The following PTGR1 variants were observed in gnomAD, a reference collection of about 807,000 sequenced individuals.
PTGR1 encodes 15-oxoprostaglandin 13-reductase.
PTGR1 carries 23 observed loss-of-function variants against 37.7 expected under a neutral mutation model. The observed-to-expected ratio is 0.61, with a 90% CI of 0.44 to 0.86. The LOEUF is 0.86. Among genes scored for constraint, PTGR1 ranks in the 40% least tolerant of loss-of-function variants. The pLI, the probability that PTGR1 is intolerant of heterozygous loss-of-function variation, is 0.00. For missense variants in PTGR1, 351 were observed against 394.3 expected, an observed-to-expected ratio of 0.89 and a Z score of 0.93; for synonymous variants, 134 against 140.0, an observed-to-expected ratio of 0.96 and a Z score of 0.30.
At chr9:111,558,823 A>C (rs1828195466), downstream of PTGR1, among the ~76,000 whole-genome samples, 1 of 152,136 alleles carries the variant, frequency 6.6e-6, no homozygotes, top group Non-Finnish European at 1.5e-5. Context: ...ATTCCAATCT[A>C]ACACCACAAG....
intron 2 of PTGR1, among the ~76,000 whole-genome samples, chr9:111,594,851 C>CTTTTTTT (rs35698448): frequency 1.0e-5 from 1 of 95,700 alleles, no homozygotes; most frequent in Non-Finnish European, 1.9e-5. Context: ...CGACCGGCCT[C>CTTTTTTT]TTTTTTTTTT....
chr9:111,561,110 TAGAGAGAG>T (rs1159365134), downstream of PTGR1, among the ~76,000 whole-genome samples: 2 of 19,198 alleles, frequency 1.0e-4, no homozygotes, highest in Admixed American at 1.2e-3. Context: ...TATATATATA[TAGAGAGAG>T]AGAGAGAGAG....
chr9:111,577,124 C>T (rs968863408), intron 7 of PTGR1: 7 of 151,818 alleles, frequency 4.6e-5, no homozygotes, highest in African/African-American at 1.5e-4. Flanking sequence ...TCACAAATAA[C>T]CTAGTTCAAA....
downstream of PTGR1, among the ~76,000 whole-genome samples, chr9:111,561,148 G>GAGAGAGA (rs1267075709): frequency 3.4e-4 from 12 of 34,840 alleles, no homozygotes; most frequent in African/African-American, 7.2e-4. Context: ...GGAGAGAGAG[G>GAGAGAGA]GAGAGAGAGA....
intron 5 of PTGR1, 104 bp from the exon 6 acceptor site, chr9:111,583,693 C>T: frequency 1.1e-6 from 1 of 881,344 alleles, no homozygotes; most frequent in Non-Finnish European, 1.8e-6. Flanking sequence ...TGCCATGGGT[C>T]CAAGTAAAAG....
At position 111,574,755 on chromosome 9, in the gene PTGR1, T is replaced by C. The variant is rs1326521149; in HGVS notation, c.739A>G (p.Arg247Gly). ...AICGAISTYN[R>G]TGPLPPGPPP... ...TTACCTGGGGGAAGTGGGCCGGTTC[T>C]GTTATATGTAGAGATGGCTCCACAT... The change falls in exon 8 of 10, where the codon AGA (arginine) becomes GGA (glycine). Residue 247 changes from arginine (R) to glycine (G), a missense_variant. Physicochemically the swap from Arg to Gly is moderately radical, Grantham distance 125. Coordinates refer to ENST00000407693, the MANE Select transcript of PTGR1 (RefSeq NM_001146108.2). 3.1e-6 allele frequency: 5 copies of C among 1,613,482 alleles called. No individual in the cohort carries two copies. The East Asian group carries it at 6.7e-5, about 22-fold the overall frequency.
At chr9:111,575,044 T>TA (rs1343438765) in intron 7 of PTGR1, among the ~76,000 whole-genome samples, 2 of 152,178 alleles carry the variant, frequency 1.3e-5, no homozygotes, top group Non-Finnish European at 2.9e-5. Context: ...CTTACACCTG[T>TA]AATCCCAACA....
At chr9:111,576,718 G>A (rs953718563) in intron 7 of PTGR1, 4 of 271,030 alleles carry the variant, frequency 1.5e-5, no homozygotes, top group South Asian at 9.3e-5. Flanking sequence ...TTCAGCCTTG[G>A]TGGTGACCTT....
chr9:111,579,792 C>T (rs1347079951), intron 6 of PTGR1, among the ~76,000 whole-genome samples: 2 of 152,152 alleles, frequency 1.3e-5, no homozygotes, highest in Non-Finnish European at 2.9e-5. Flanking sequence ...AAGCACCAGA[C>T]TACACGCTTC....
intron 4 of PTGR1, among the ~76,000 whole-genome samples, chr9:111,588,671 G>A (rs372066553): frequency 5.9e-5 from 9 of 152,028 alleles, no homozygotes; most frequent in South Asian, 2.1e-4. Flanking sequence ...GATTACAGGC[G>A]CCCACCACCA....
chr9:111,581,017 T>C (rs1829266425), intron 6 of PTGR1, among the ~76,000 whole-genome samples: 1 of 152,220 alleles, frequency 6.6e-6, no homozygotes, highest in Non-Finnish European at 1.5e-5. Context: ...TTTTAAAAGA[T>C]GTGTTCATAC....
chr9:111,575,575 C>T (rs1210466280), intron 7 of PTGR1: 1 of 152,164 alleles, frequency 6.6e-6, no homozygotes, highest in African/African-American at 2.4e-5. Context: ...AACTGAATCA[C>T]GAGTCCAAAA....
intron 3 of PTGR1, 149 bp from the exon 4 acceptor site, chr9:111,593,131 C>A (rs548945775): frequency 2.2e-5 from 28 of 1,299,200 alleles, no homozygotes; most frequent in South Asian, 3.5e-5. Context: ...AAAACCCAGA[C>A]AGATGAAGGG....
At chr9:111,578,672 T>G (rs1246560395) in intron 7 of PTGR1, 124 bp downstream of exon 7, 4 of 807,884 alleles carry the variant, frequency 5.0e-6, no homozygotes, top group Non-Finnish European at 7.4e-6. Context: ...CCTCACCTCC[T>G]GCTGTGCATC....
intron 8 of PTGR1, among the ~76,000 whole-genome samples, chr9:111,572,075 C>T (rs1252697351): frequency 1.3e-5 from 2 of 152,208 alleles, no homozygotes; most frequent in Non-Finnish European, 2.9e-5. Flanking sequence ...TGTGCTAAGA[C>T]GAGTGGTGGA....
At chr9:111,559,178 C>T (rs1249798318), downstream of PTGR1, among the ~76,000 whole-genome samples, 1 of 152,152 alleles carries the variant, frequency 6.6e-6, no homozygotes, top group African/African-American at 2.4e-5. Context: ...CCGCCCATAC[C>T]AGGTCACTCA....
chr9:111,574,950 A>C, intron 7 of PTGR1, 108 bp from the exon 8 acceptor site: 1 of 834,420 alleles, frequency 1.2e-6, no homozygotes, highest in East Asian at 2.8e-5. Flanking sequence ...GCAGCAACAA[A>C]ACTGACTGAA....
intron 8 of PTGR1, among the ~76,000 whole-genome samples, chr9:111,570,470 G>A (rs924837373): frequency 6.6e-6 from 1 of 152,122 alleles, no homozygotes; most frequent in Non-Finnish European, 1.5e-5. Flanking sequence ...GGACTTTGCA[G>A]ATATGATTAA....
intron 2 of PTGR1, 73 bp downstream of exon 2, chr9:111,597,244 G>A (rs1829807452): frequency 1.7e-6 from 2 of 1,144,390 alleles, no homozygotes; most frequent in East Asian, 4.8e-5. Context: ...TAAACTTTGG[G>A]GTAGTTTGTT....
Sources: gnomAD v4.1 joint callset for allele counts (sites outside exome capture counted in the v4.1 genomes callset) on GRCh38, gnomAD v4.1.1 for gene constraint, MANE v1.5 for transcripts, NCBI Gene and HGNC (gene_info 2026-07-23, HGNC 2026-07-21) for gene names.